The following HMBOX1 variants were observed in gnomAD, a reference collection of about 807,000 sequenced individuals.
The protein encoded by HMBOX1 is homeobox-containing protein 1.
A neutral mutation model predicts 54.5 loss-of-function variants in HMBOX1; 14 were observed. The ratio of observed to expected loss-of-function variants is 0.26; its 90% CI spans 0.17 to 0.40. The LOEUF (loss-of-function observed/expected upper bound fraction) is 0.40. Among genes scored for constraint, HMBOX1 ranks in the 10% least tolerant of loss-of-function variants. The pLI is 1.00. For missense variants in HMBOX1, 332 were observed against 514.4 expected, an observed-to-expected ratio of 0.65 and a Z score of 3.43; for synonymous variants, 160 against 181.0, an observed-to-expected ratio of 0.88 and a Z score of 0.93.
At chr8:29,047,334 G>C (rs1421234469) in intron 7 of HMBOX1, 24 bp from the exon 8 acceptor site, 3 of 1,318,628 alleles carry the variant, frequency 2.3e-6, no homozygotes, top group Non-Finnish European at 3.3e-6. Context: ...TAGATTATCT[G>C]AATTTTATTG....
rs116910987 is a variant in HMBOX1 at position 28,990,227 on chromosome 8, G to A, written c.586+10071G>A. Among the ~76,000 whole-genome samples the A allele has an allele frequency of 6.5e-3, 986 of 152,176 alleles. 11 individuals are homozygous for A. The highest frequency in any genetic ancestry group is 9.2e-3 in the Admixed American group (141 of 15,280). On this transcript the variant is annotated intron_variant, in intron 4 of 9. Transcript: ENST00000287701. ...CACTAACAGTTCAATCTTGAATAGA[G>A]TGACAAAAGCAGACATTCTTACCTT...
chr8:28,943,171 G>C (rs1821763002), intron 1 of HMBOX1, among the ~76,000 whole-genome samples: 1 of 152,168 alleles, frequency 6.6e-6, no homozygotes, highest in African/African-American at 2.4e-5. Context: ...TGTCCGTTTA[G>C]GGTCTCTGGC....
chr8:28,929,209 G>A (rs1348682090), intron 1 of HMBOX1, among the ~76,000 whole-genome samples: 1 of 152,092 alleles, frequency 6.6e-6, no homozygotes, highest in Non-Finnish European at 1.5e-5. Context: ...GGTGGGATGG[G>A]GTCAGATTAC....
chr8:28,962,700 A>G (rs1010626157), intron 1 of HMBOX1, among the ~76,000 whole-genome samples: 1 of 152,222 alleles, frequency 6.6e-6, no homozygotes, highest in Admixed American at 6.5e-5. Context: ...GTCTTATTCT[A>G]ATCCTCAAAT....
intron 6 of HMBOX1, among the ~76,000 whole-genome samples, chr8:29,027,149 C>T (rs1031795918): frequency 2.0e-5 from 3 of 152,078 alleles, no homozygotes; most frequent in African/African-American, 7.2e-5. Context: ...AAGTAGTTTA[C>T]ATATTCTCAA....
At chr8:28,995,513 C>T (rs954250432) in intron 4 of HMBOX1, among the ~76,000 whole-genome samples, 3 of 152,112 alleles carry the variant, frequency 2.0e-5, no homozygotes, top group Non-Finnish European at 2.9e-5. Context: ...GGAAATGTGC[C>T]TAGAAATAGA....
Position 28,970,059 on chromosome 8 carries a change from T to C in HMBOX1, c.40T>C (p.Ser14Pro), listed in dbSNP as rs779348418. Residue 14 changes from serine to proline, a missense_variant, in exon 3 of 10, where the codon TCT (serine) becomes CCT (proline). This residue lies in a region of HMBOX1 where 146 missense variants were observed against 173.3 expected (regional missense o/e 0.84). Transcript: ENST00000287701. The surrounding 1 kb of genome is among the most constrained non-coding windows in gnomAD (Gnocchi z 4.3). ...SFPVVLLETM[S>P]HYTDEPRFTI... is the part of the protein sequence containing the mutation. ...TTTTTTTAGTTTGCTGGAAACCATGTCTCATTATACAGATGAACCCAGATT... is the reference window on the plus strand; with the variant it reads ...TTTTTTTAGTTTGCTGGAAACCATGCCTCATTATACAGATGAACCCAGATT... 1.2e-6 allele frequency: 2 copies of C among 1,605,394 alleles called. No homozygotes were observed. Among genetic ancestry groups the C allele is most frequent in the Non-Finnish European group, 1.7e-6 (2 of 1,174,276 alleles).
intron 3 of HMBOX1, among the ~76,000 whole-genome samples, chr8:28,975,652 T>C (rs1828240294): frequency 6.6e-6 from 1 of 152,130 alleles, no homozygotes; most frequent in African/African-American, 2.4e-5. Context: ...GGGTATCTTA[T>C]CTTGAAGTAA....
chr8:28,892,852 G>C (rs1281516749), intron 1 of HMBOX1, among the ~76,000 whole-genome samples: 1 of 152,082 alleles, frequency 6.6e-6, no homozygotes, highest in Non-Finnish European at 1.5e-5. Flanking sequence ...TTTTAAGCTT[G>C]TATCTTAACT....
At chr8:28,939,052 G>A (rs993546897) in intron 1 of HMBOX1, among the ~76,000 whole-genome samples, 9 of 152,132 alleles carry the variant, frequency 5.9e-5, no homozygotes, top group African/African-American at 1.9e-4. Flanking sequence ...CCCTTTGGGA[G>A]GCTGAGGTGG....
chr8:28,967,957 T>A (rs4732896), intron 2 of HMBOX1, among the ~76,000 whole-genome samples: 97,514 of 152,082 alleles, frequency 0.64, 31,460 homozygotes, highest in East Asian at 0.75. Flanking sequence ...GTTTTATTTT[T>A]ATGAGCTTGT....
At chr8:28,957,662 G>A (rs1399466030) in intron 1 of HMBOX1, among the ~76,000 whole-genome samples, 3 of 152,178 alleles carry the variant, frequency 2.0e-5, no homozygotes, top group East Asian at 1.9e-4. Flanking sequence ...TTGCTCTGCC[G>A]CCCAGGCTGG....
At chr8:28,915,286 C>T (rs562010189) in intron 1 of HMBOX1, among the ~76,000 whole-genome samples, 21 of 151,998 alleles carry the variant, frequency 1.4e-4, no homozygotes, top group Admixed American at 5.2e-4. Context: ...GACTGGGCGC[C>T]GTGGCTCACG....
intron 4 of HMBOX1, among the ~76,000 whole-genome samples, chr8:29,000,921 G>A (rs1370368086): frequency 1.3e-5 from 2 of 152,170 alleles, no homozygotes; most frequent in Non-Finnish European, 2.9e-5. Context: ...TCTTTGGATT[G>A]TTGGAAGCCT....
intron 1 of HMBOX1, among the ~76,000 whole-genome samples, chr8:28,961,656 G>A (rs1003271090): frequency 1.3e-5 from 2 of 152,072 alleles, no homozygotes; most frequent in Admixed American, 1.3e-4. Flanking sequence ...TAATGCTGCT[G>A]TGAACACAGC....
In HMBOX1 at chr8:28,970,545, C is replaced by A; in HGVS notation, c.500+26C>A. On this transcript the variant is annotated intron_variant, in intron 3 of 9. Transcript: ENST00000287701. This position sits in a 1 kb window ranked among gnomAD's most constrained non-coding sequence, Gnocchi z 4.3. Reference sequence around the variant, plus strand: ...GTTAGTGACTTTGCTTATTCAGAGTCCCTAAAAATGTCTGTATTCTTAGAT... The same window carrying A: ...GTTAGTGACTTTGCTTATTCAGAGTACCTAAAAATGTCTGTATTCTTAGAT... The A allele has an allele frequency of 7.1e-7, 1 of 1,402,334 alleles. No homozygotes were observed. Among genetic ancestry groups the A allele is most frequent in the Non-Finnish European group, 9.8e-7 (1 of 1,024,950 alleles). 86.9% of individuals were successfully genotyped at this position (1,402,334 alleles called of 1,614,324 possible).
intron 2 of HMBOX1, among the ~76,000 whole-genome samples, chr8:28,966,746 C>T (rs1826502507): frequency 1.3e-5 from 2 of 152,168 alleles, no homozygotes. Context: ...CACATGCATG[C>T]TTTGATCCTG....
At chr8:28,951,733 T>C (rs535883240) in intron 1 of HMBOX1, among the ~76,000 whole-genome samples, 1 of 152,322 alleles carries the variant, frequency 6.6e-6, no homozygotes, top group South Asian at 2.1e-4. Context: ...GAATATAATT[T>C]TAAAATATAG....
At chr8:29,022,015 A>T (rs1018705094) in intron 6 of HMBOX1, among the ~76,000 whole-genome samples, 1 of 152,204 alleles carries the variant, frequency 6.6e-6, no homozygotes, top group Non-Finnish European at 1.5e-5. Flanking sequence ...AGACACTCTC[A>T]TACGTTACTT....
Sources: gnomAD v4.1 joint callset for allele counts (sites outside exome capture counted in the v4.1 genomes callset) on GRCh38, gnomAD v4.1.1 for gene constraint, gnomAD v4.1.1 regional missense constraint, Gnocchi (gnomAD v3.1) non-coding constraint, MANE v1.5 for transcripts, NCBI Gene and HGNC (gene_info 2026-07-23, HGNC 2026-07-21) for gene names.